Variants in ARHGAP15 observed in about 807,000 individuals in gnomAD.
ARHGAP15 encodes rho GTPase-activating protein 15.
A neutral mutation model predicts 63.7 loss-of-function variants in ARHGAP15; 51 were observed. The ratio of observed to expected loss-of-function variants is 0.80; its 90% CI spans 0.64 to 1.01. The LOEUF is 1.01. Among genes scored for constraint, ARHGAP15 ranks in the 50% least tolerant of loss-of-function variants. ARHGAP15 has a pLI of 0.00. For synonymous variants in ARHGAP15, 191 were observed against 193.8 expected (o/e 0.99, Z 0.12); for missense variants, 560 against 564.6 (o/e 0.99, Z 0.08).
intron 3 of ARHGAP15, among the ~76,000 whole-genome samples, chr2:143,209,162 G>A (rs1239273844): frequency 1.3e-5 from 2 of 152,016 alleles, no homozygotes; most frequent in Non-Finnish European, 2.9e-5. Flanking sequence ...GATCAAGCTG[G>A]GCTTTCCTTA....
chr2:143,456,339 T>C (rs1690653197), intron 8 of ARHGAP15, among the ~76,000 whole-genome samples: 1 of 152,074 alleles, frequency 6.6e-6, no homozygotes, highest in Admixed American at 6.6e-5. Context: ...GGCAACTTAA[T>C]TGGAGGTTGT....
At chr2:143,588,768 A>G (rs1439334913) in intron 11 of ARHGAP15, among the ~76,000 whole-genome samples, 1 of 152,172 alleles carries the variant, frequency 6.6e-6, no homozygotes, top group Non-Finnish European at 1.5e-5. Context: ...ACAAATAAAC[A>G]TCCCCTGTAC....
At chr2:143,650,699 G>A (rs1681119004) in intron 12 of ARHGAP15, among the ~76,000 whole-genome samples, 1 of 151,860 alleles carries the variant, frequency 6.6e-6, no homozygotes, top group African/African-American at 2.4e-5. Context: ...AATTCATTTG[G>A]TATTGCTGGG....
At chr2:143,480,236 T>C (rs1029220156) in intron 8 of ARHGAP15, among the ~76,000 whole-genome samples, 2 of 152,158 alleles carry the variant, frequency 1.3e-5, no homozygotes, top group Non-Finnish European at 2.9e-5. Context: ...CATAAATTCC[T>C]GAGAAAAGTA....
intron 12 of ARHGAP15, among the ~76,000 whole-genome samples, chr2:143,673,748 GTGTGTGTGTGTATATATATATATATA>G (rs1479679121): frequency 2.9e-5 from 1 of 34,178 alleles, no homozygotes; most frequent in Non-Finnish European, 7.9e-5. Context: ...GTGTGTGTGT[GTGTGTGTGTGTATATATATATATATA>G]TATATATATA....
chr2:143,439,458 T>C (rs1179081115), intron 8 of ARHGAP15, among the ~76,000 whole-genome samples: 1 of 62,914 alleles, frequency 1.6e-5, no homozygotes, highest in African/African-American at 5.1e-5. Context: ...AGGGAAGAGA[T>C]ACATGATTTA....
intron 10 of ARHGAP15, among the ~76,000 whole-genome samples, chr2:143,542,131 A>G (rs1446223934): frequency 6.6e-6 from 1 of 152,162 alleles, no homozygotes; most frequent in East Asian, 1.9e-4. Flanking sequence ...TCAGAATGCC[A>G]TGCTAGCAAT....
At chr2:143,300,114 T>G (rs1184107357) in intron 6 of ARHGAP15, among the ~76,000 whole-genome samples, 1 of 152,040 alleles carries the variant, frequency 6.6e-6, no homozygotes, top group African/African-American at 2.4e-5. Context: ...TAAAACCTAT[T>G]CAAAGGGGCA....
intron 6 of ARHGAP15, among the ~76,000 whole-genome samples, chr2:143,267,264 C>T (rs1408087476): frequency 1.3e-5 from 2 of 152,118 alleles, no homozygotes; most frequent in Admixed American, 6.6e-5. Context: ...ATGAGGCAAA[C>T]TTTGATAAAG....
intron 5 of ARHGAP15, among the ~76,000 whole-genome samples, chr2:143,232,815 G>A (rs770317365): frequency 5.3e-4 from 80 of 152,166 alleles, no homozygotes; most frequent in Middle Eastern, 3.4e-3. Context: ...CATATAAATG[G>A]AATCCTAGTG....
At chr2:143,195,282 C>T (rs561798534) in intron 2 of ARHGAP15, among the ~76,000 whole-genome samples, 81 of 151,922 alleles carry the variant, frequency 5.3e-4, no homozygotes, top group African/African-American at 1.8e-3. Flanking sequence ...ATATTGTGGG[C>T]AGATGGAGGA....
intron 6 of ARHGAP15, among the ~76,000 whole-genome samples, chr2:143,309,778 C>G (rs562824666): frequency 6.6e-6 from 1 of 151,980 alleles, no homozygotes; most frequent in South Asian, 2.1e-4. Context: ...CTTCTGCCAA[C>G]TAGATGTTAG....
chr2:143,571,430 A>G (rs1696449585), intron 11 of ARHGAP15, among the ~76,000 whole-genome samples: 1 of 152,190 alleles, frequency 6.6e-6, no homozygotes, highest in Non-Finnish European at 1.5e-5. Context: ...TAGATGAACT[A>G]AAGTCTCTAT....
intron 13 of ARHGAP15, among the ~76,000 whole-genome samples, chr2:143,717,024 CT>C (rs2105453579): frequency 1.3e-5 from 2 of 152,298 alleles, no homozygotes; most frequent in African/African-American, 4.8e-5. Flanking sequence ...TTTAGGGGTC[CT>C]TTTTAAAAAC....
intron 13 of ARHGAP15, among the ~76,000 whole-genome samples, chr2:143,712,167 CA>C (rs1018721923): frequency 2.0e-5 from 3 of 152,148 alleles, no homozygotes; most frequent in Non-Finnish European, 2.9e-5. Context: ...GTGATGGATA[CA>C]AGAGGCATTG....
In ARHGAP15 at chr2:143,406,132, A is replaced by T. The variant is rs1026043097; in HGVS notation, c.475-29469A>T. On this transcript the variant is annotated intron_variant, in intron 6 of 13. Transcript: ENST00000295095. The stretch of plus-strand genomic sequence containing the variant: ...CTTACATGTCTTTTGTTGTTTTCTC[A>T]TATCTATTGGCTTTCATAAATGGAT... Among the ~76,000 whole-genome samples, 3 of 151,858 alleles carry T rather than the reference A, an allele frequency of 2.0e-5. No homozygotes were observed. In the East Asian group the frequency reaches 5.8e-4, roughly 29 times the overall value.
At chr2:143,346,596 C>A (rs539580300) in intron 6 of ARHGAP15, among the ~76,000 whole-genome samples, 4 of 152,068 alleles carry the variant, frequency 2.6e-5, no homozygotes, top group Admixed American at 6.6e-5. Flanking sequence ...CAGTCGGCAC[C>A]GACCAAAATG....
At chr2:143,440,244 A>AT (rs898969921) in intron 8 of ARHGAP15, among the ~76,000 whole-genome samples, 4 of 152,086 alleles carry the variant, frequency 2.6e-5, no homozygotes, top group Non-Finnish European at 5.9e-5. Context: ...TGTAAAATAT[A>AT]TTTTTTCAAG....
chr2:143,268,618 A>T (rs1344389681), intron 6 of ARHGAP15, among the ~76,000 whole-genome samples: 2 of 152,172 alleles, frequency 1.3e-5, no homozygotes, highest in African/African-American at 2.4e-5. Context: ...GAGTTTGAAA[A>T]TGTAATTAGT....
Sources: allele counts gnomAD v4.1 joint callset (sites outside exome capture counted in the v4.1 genomes callset), GRCh38; gene constraint gnomAD v4.1.1; transcripts MANE v1.5; gene names NCBI Gene and HGNC (gene_info 2026-07-23, HGNC 2026-07-21).